HEATR5B: variants seen among roughly 807,000 people sequenced by gnomAD.
HEATR5B encodes the protein HEAT repeat-containing protein 5B.
A neutral mutation model predicts 224.1 loss-of-function variants in HEATR5B; 156 were observed. The ratio of observed to expected loss-of-function variants is 0.70; its 90% confidence interval spans 0.61 to 0.80. HEATR5B has a LOEUF of 0.80. Among genes scored for constraint, HEATR5B ranks in the 30% least tolerant of loss-of-function variants. HEATR5B has a pLI of 0.00. For synonymous variants in HEATR5B, 1,027 were observed against 893.0 expected (o/e 1.15, Z -2.68); for missense variants, 2,323 against 2,535.5 (o/e 0.92, Z 1.80).
At chr2:37,006,641 C>CAAACAAA (rs1667438455) in intron 29 of HEATR5B, among the ~76,000 whole-genome samples, 2 of 152,066 alleles carry the variant, frequency 1.3e-5, no homozygotes, top group African/African-American at 4.8e-5. Context: ...AACTCTGTCT[C>CAAACAAA]AAACAAAAAA....
At chr2:37,002,796 T>C (rs1415943943) in intron 31 of HEATR5B, among the ~76,000 whole-genome samples, 1 of 152,170 alleles carries the variant, frequency 6.6e-6, no homozygotes, top group African/African-American at 2.4e-5. Flanking sequence ...TTATCAGGTA[T>C]TTTTATTGGG....
chr2:37,036,503 T>C (rs542420229), intron 21 of HEATR5B, among the ~76,000 whole-genome samples: 75 of 133,448 alleles, frequency 5.6e-4, no homozygotes, highest in Non-Finnish European at 1.1e-3. Flanking sequence ...AAATCACACC[T>C]TAAATATCAA....
chr2:37,040,562 G>T, intron 19 of HEATR5B, 44 bp from the exon 20 acceptor site: 3 of 1,429,918 alleles, frequency 2.1e-6, no homozygotes, highest in South Asian at 1.2e-5. Flanking sequence ...GGAAGAATTC[G>T]AATGTACTGA....
intron 34 of HEATR5B, among the ~76,000 whole-genome samples, chr2:36,989,224 T>C (rs1368077945): frequency 3.9e-5 from 6 of 152,158 alleles, no homozygotes; most frequent in African/African-American, 1.4e-4. Context: ...TAGCTGGGAT[T>C]ACAGGTGCGC....
rs145210064 is a variant in HEATR5B at position 37,028,062 on chromosome 2, CTTTGA to C, written c.3709_3713del (p.Ser1237AlafsTer25). Reference sequence around the variant, plus strand: ...TGGCCCAGCGAGGGGCCACAAAGGGCTTTGATTTATCTTCTTCACCTAACGTGGTA... The same window carrying C: ...TGGCCCAGCGAGGGGCCACAAAGGGCTTTATCTTCTTCACCTAACGTGGTA... On this transcript the variant is annotated frameshift_variant, in exon 24 of 36. Coordinates refer to ENST00000233099, the MANE Select transcript of HEATR5B (RefSeq NM_019024.3). LOFTEE classifies it high-confidence loss of function. 6.8e-6 allele frequency: 11 copies of C among 1,614,130 alleles called. No homozygotes were observed. Among genetic ancestry groups the C allele is most frequent in the East Asian group, 2.2e-5 (1 of 44,886 alleles).
In HEATR5B at chr2:37,028,313, T is replaced by A. The variant is rs1234853303; in HGVS notation, c.3602-139A>T. The A allele has an allele frequency of 5.8e-6, 3 of 520,798 alleles. No individual in the cohort carries two copies. In the African/African-American group the frequency reaches 6.0e-5, roughly 10 times the overall value. The allele number at this position is 520,798 out of a possible 1,614,324, so 32.3% of individuals were successfully genotyped here. A position where few individuals can be genotyped will look rare whatever the true frequency, so the allele number is the denominator to read the frequency against. On this transcript the variant is annotated intron_variant, in intron 23 of 35. Coordinates refer to ENST00000233099, the MANE Select transcript of HEATR5B (RefSeq NM_019024.3). ...CTGGAAAACAGTAAAACTAGCAGAA[T>A]TTTTTTTAAACAATCAAAAGCCAAG...
chr2:37,065,732 T>C (rs1366473744), intron 9 of HEATR5B, 23 bp downstream of exon 9: 15 of 1,592,006 alleles, frequency 9.4e-6, no homozygotes, highest in Non-Finnish European at 1.3e-5. Flanking sequence ...AAACACATAC[T>C]AGCAAGTAAC....
intron 18 of HEATR5B, among the ~76,000 whole-genome samples, chr2:37,042,151 T>C (rs1165886624): frequency 6.6e-6 from 1 of 152,194 alleles, no homozygotes; most frequent in Non-Finnish European, 1.5e-5. Context: ...ACTTTAGGTA[T>C]ACAATTAAAT....
At chr2:36,995,866 T>C (rs1405472301) in intron 33 of HEATR5B, among the ~76,000 whole-genome samples, 1 of 152,164 alleles carries the variant, frequency 6.6e-6, no homozygotes, top group Admixed American at 6.5e-5. Flanking sequence ...ACATAATTTT[T>C]TGATCAGTAA....
intron 18 of HEATR5B, among the ~76,000 whole-genome samples, chr2:37,049,354 C>A (rs1670393392): frequency 1.3e-5 from 2 of 152,140 alleles, no homozygotes. Flanking sequence ...GTCAGAGCAC[C>A]TCTTCAGTGA....
intron 30 of HEATR5B, among the ~76,000 whole-genome samples, 161 bp from the exon 31 acceptor site, chr2:37,003,847 G>C (rs1349885131): frequency 6.6e-6 from 1 of 152,076 alleles, no homozygotes; most frequent in African/African-American, 2.4e-5. Flanking sequence ...AAAATCTTGA[G>C]AAATGGTCAC....
At chr2:37,054,681 C>T (rs933249966) in intron 16 of HEATR5B, among the ~76,000 whole-genome samples, 11 of 151,670 alleles carry the variant, frequency 7.3e-5, no homozygotes, top group African/African-American at 2.7e-4. Flanking sequence ...AAGGATTTTA[C>T]CATGTTGGCC....
At chr2:37,029,382 G>A (rs533507235) in intron 22 of HEATR5B, among the ~76,000 whole-genome samples, 1 of 152,350 alleles carries the variant, frequency 6.6e-6, no homozygotes, top group South Asian at 2.1e-4. Context: ...GAAAATCCAA[G>A]GCTGGGCGCA....
intron 20 of HEATR5B, among the ~76,000 whole-genome samples, chr2:37,039,839 C>A (rs1669766084): frequency 6.6e-6 from 1 of 152,168 alleles, no homozygotes; most frequent in Non-Finnish European, 1.5e-5. Flanking sequence ...TTGACTAACT[C>A]TAGGCAAGTT....
intron 32 of HEATR5B, among the ~76,000 whole-genome samples, chr2:37,001,295 A>G (rs1667072464): frequency 6.6e-6 from 1 of 152,172 alleles, no homozygotes; most frequent in East Asian, 1.9e-4. Context: ...AAATAATCCT[A>G]GAATTTGTAA....
At chr2:37,083,955 C>G (rs970472070) in intron 1 of HEATR5B, among the ~76,000 whole-genome samples, 24 of 152,190 alleles carry the variant, frequency 1.6e-4, no homozygotes, top group Non-Finnish European at 3.1e-4. Context: ...CGGCCAGGCC[C>G]GGCGGCCGAA....
At position 37,068,759 on chromosome 2, in the gene HEATR5B, T is replaced by C. The variant is rs1417710842; in HGVS notation, c.1099A>G (p.Ser367Gly). The C allele has an allele frequency of 1.2e-6, 2 of 1,614,142 alleles. No individual in the cohort carries two copies. Among genetic ancestry groups the C allele is most frequent in the Admixed American group, 1.7e-5 (1 of 60,006 alleles). The change falls in exon 8 of 36, where the codon AGT (serine) becomes GGT (glycine). Residue 367 changes from serine (S) to glycine (G), a missense_variant. By Grantham distance (56) the Ser-to-Gly change is moderately conservative. This residue lies in a region of HEATR5B where 502 missense variants were observed against 517.8 expected (regional missense o/e 0.97). Coordinates refer to ENST00000233099, the MANE Select transcript of HEATR5B (RefSeq NM_019024.3). ...VSFILRATVGSLLGEKAQIAA... is the reference protein window; with the variant it reads ...VSFILRATVGGLLGEKAQIAA... ...ATCTGGGCTTTTTCACCTAGCAAAC[T>C]GCCCACAGTAGCTCTTAGGATAAAG...
At chr2:37,038,913 G>GT (rs1394877360) in intron 20 of HEATR5B, among the ~76,000 whole-genome samples, 1 of 132,000 alleles carries the variant, frequency 7.6e-6, no homozygotes, top group Non-Finnish European at 1.6e-5. Context: ...GGGGTGGGGG[G>GT]GGTGGGGAAT....
At chr2:37,055,767 C>T (rs1324495263) in intron 16 of HEATR5B, among the ~76,000 whole-genome samples, 1 of 152,118 alleles carries the variant, frequency 6.6e-6, no homozygotes, top group Non-Finnish European at 1.5e-5. Context: ...CCAGACCCAA[C>T]AATACTTTTA....
Sources: allele counts gnomAD v4.1 joint callset (sites outside exome capture counted in the v4.1 genomes callset), GRCh38; gene constraint gnomAD v4.1.1; regional missense constraint gnomAD v4.1.1; transcripts MANE v1.5; gene names NCBI Gene and HGNC (gene_info 2026-07-23, HGNC 2026-07-21).